The following OPCML variants were observed in gnomAD, a reference collection of about 807,000 sequenced individuals.
OPCML encodes the protein opioid binding protein/cell adhesion molecule like.
A neutral mutation model predicts 37.8 loss-of-function variants in OPCML; 13 were observed. That is an observed-to-expected ratio of 0.34 (90% confidence interval 0.22 to 0.55). The LOEUF is 0.55. Among genes scored for constraint, OPCML ranks in the 20% least tolerant of loss-of-function variants. The probability of loss-of-function intolerance (pLI) is 0.91; values close to 1 mark genes in which losing one functional copy is unlikely to be tolerated. For synonymous variants in OPCML, 176 were observed against 168.8 expected, an observed-to-expected ratio of 1.04 and a Z score of -0.33; for missense variants, 341 against 435.6, an observed-to-expected ratio of 0.78 and a Z score of 1.93.
At chr11:132,828,052 A>G (rs1051829319) in intron 2 of OPCML, among the ~76,000 whole-genome samples, 3 of 152,204 alleles carry the variant, frequency 2.0e-5, no homozygotes, top group Non-Finnish European at 4.4e-5. Context: ...ATGGAATATT[A>G]TTCAGTGCTA....
rs185617688 is a variant in OPCML at position 132,967,707 on chromosome 11, C to A, written c.62-24697G>T. Among the ~76,000 whole-genome samples, 173 of 152,204 alleles carry A rather than the reference C, an allele frequency of 1.1e-3. 1 individual carries two copies. Among genetic ancestry groups the A allele is most frequent in the South Asian group, 4.8e-3 (23 of 4,826 alleles). Reference sequence around the variant, plus strand: ...AGGCATTTATACTGCCTTTTATAATCGCATAATTACTTTTATCAGTAATAT... The same window carrying A: ...AGGCATTTATACTGCCTTTTATAATAGCATAATTACTTTTATCAGTAATAT... On this transcript the variant is annotated intron_variant, in intron 1 of 7. Transcript: ENST00000524381.
chr11:132,479,914 T>A (rs1399858655), intron 4 of OPCML, among the ~76,000 whole-genome samples: 1 of 151,732 alleles, frequency 6.6e-6, no homozygotes, highest in Non-Finnish European at 1.5e-5. Flanking sequence ...AACACAAAGA[T>A]GGGGAAAAAA....
At chr11:133,530,157 G>C (rs1015884132) in intron 1 of OPCML, among the ~76,000 whole-genome samples, 61 of 152,172 alleles carry the variant, frequency 4.0e-4, no homozygotes, top group African/African-American at 1.4e-3. Flanking sequence ...TCAGGCAGGG[G>C]TGCAGGTTCA....
In OPCML at chr11:133,439,485, T is replaced by C. The variant is rs538216628; in HGVS notation, c.61+92779A>G. 212 of 972,520 alleles carry C rather than the reference T, an allele frequency of 2.2e-4. 1 individual carries two copies. In the African/African-American group the frequency reaches 3.5e-3, roughly 16 times the overall value. The allele number at this position is 972,520 out of a possible 1,614,324, so 60.2% of individuals were successfully genotyped here. ...CTTTGTTTTTGTTTTTTTTCTTTTT[T>C]GAGATGGAGTCTCACTCTGTCGCCC... On this transcript the variant is annotated intron_variant, in intron 1 of 7. Coordinates refer to ENST00000524381, the MANE Select transcript of OPCML (RefSeq NM_001012393.5).
At chr11:133,502,026 C>G (rs75560707) in intron 1 of OPCML, among the ~76,000 whole-genome samples, 4 of 152,220 alleles carry the variant, frequency 2.6e-5, no homozygotes, top group East Asian at 1.9e-4. Context: ...CTCTCACCCC[C>G]CTTTCCTTCC....
intron 1 of OPCML, among the ~76,000 whole-genome samples, chr11:133,317,662 G>A (rs938896711): frequency 6.6e-6 from 1 of 152,202 alleles, no homozygotes; most frequent in African/African-American, 2.4e-5. Flanking sequence ...GTATGCTGTT[G>A]TATCTCTGCC....
chr11:133,010,029 T>C (rs1032629185), intron 1 of OPCML, among the ~76,000 whole-genome samples: 2 of 152,216 alleles, frequency 1.3e-5, no homozygotes, highest in African/African-American at 4.8e-5. Flanking sequence ...CCTTTTCATA[T>C]CCAGCAATAC....
chr11:133,214,293 G>C (rs1939498166), intron 1 of OPCML, among the ~76,000 whole-genome samples: 1 of 152,074 alleles, frequency 6.6e-6, no homozygotes, highest in African/African-American at 2.4e-5. Flanking sequence ...ATTTATGATA[G>C]AAAAAGCTTT....
intron 3 of OPCML, among the ~76,000 whole-genome samples, chr11:132,599,308 A>AAGAAGAAGGAGGAGG: frequency 6.7e-6 from 1 of 150,248 alleles, no homozygotes; most frequent in African/African-American, 2.5e-5. Context: ...TATGAAAAAG[A>AAGAAGAAGGAGGAGG]AGAAGAAGGA....
At chr11:132,776,439 G>A (rs1212771665) in intron 2 of OPCML, among the ~76,000 whole-genome samples, 2 of 152,128 alleles carry the variant, frequency 1.3e-5, no homozygotes, top group Non-Finnish European at 2.9e-5. Flanking sequence ...GTTGGAGGTG[G>A]GGCCTTTTGT....
intron 2 of OPCML, among the ~76,000 whole-genome samples, chr11:132,808,336 GAAGAC>G (rs1425412134): frequency 1.3e-5 from 2 of 152,238 alleles, no homozygotes; most frequent in African/African-American, 2.4e-5. Context: ...CGTTCAGCAG[GAAGAC>G]CTGCCTGAAA....
chr11:132,860,997 A>C (rs1591715872), intron 2 of OPCML, among the ~76,000 whole-genome samples: 1 of 152,334 alleles, frequency 6.6e-6, no homozygotes, highest in Non-Finnish European at 1.5e-5. Context: ...ACAAACTAAT[A>C]TATTGTACAA....
intron 1 of OPCML, among the ~76,000 whole-genome samples, chr11:133,277,764 G>A (rs1267156780): frequency 6.6e-6 from 1 of 151,812 alleles, no homozygotes; most frequent in Non-Finnish European, 1.5e-5. Context: ...ACAATAACAG[G>A]TGCTTAAATA....
intron 2 of OPCML, among the ~76,000 whole-genome samples, chr11:132,924,790 G>A (rs1298357985): frequency 6.6e-6 from 1 of 152,152 alleles, no homozygotes; most frequent in African/African-American, 2.4e-5. Context: ...GAGCATTCCT[G>A]GATCTGTGGT....
At chr11:133,007,799 T>A in intron 1 of OPCML, 1 of 985,438 alleles carries the variant, frequency 1.0e-6, no homozygotes, top group South Asian at 4.7e-5. Context: ...ATGTATCATA[T>A]CTCCTTGTGG....
intron 2 of OPCML, among the ~76,000 whole-genome samples, chr11:132,785,231 T>C (rs902688861): frequency 6.6e-6 from 1 of 152,214 alleles, no homozygotes; most frequent in Non-Finnish European, 1.5e-5. Flanking sequence ...AGAGCACTTT[T>C]CATGTAATAA....
chr11:132,704,144 G>A (rs1478801005), intron 2 of OPCML, among the ~76,000 whole-genome samples: 1 of 152,178 alleles, frequency 6.6e-6, no homozygotes, highest in East Asian at 1.9e-4. Context: ...TGAGTCCACA[G>A]GAGCCAGTTT....
chr11:133,097,314 T>A (rs1045604665), intron 1 of OPCML, among the ~76,000 whole-genome samples: 6 of 152,170 alleles, frequency 3.9e-5, no homozygotes, highest in African/African-American at 1.4e-4. Context: ...GGTCAAAGAA[T>A]AAATCTCAAG....
At chr11:133,511,179 C>T (rs2120622484) in intron 1 of OPCML, among the ~76,000 whole-genome samples, 1 of 152,358 alleles carries the variant, frequency 6.6e-6, no homozygotes, top group East Asian at 1.9e-4. Flanking sequence ...CTTCCACTAT[C>T]ATTTCCTCTG....
Sources: gnomAD v4.1 joint callset for allele counts (sites outside exome capture counted in the v4.1 genomes callset) on GRCh38, gnomAD v4.1.1 for gene constraint, MANE v1.5 for transcripts, NCBI Gene and HGNC (gene_info 2026-07-23, HGNC 2026-07-21) for gene names.